The following IPO11 variants were observed in gnomAD, a reference collection of about 807,000 sequenced individuals.
IPO11 encodes importin 11.
Under a neutral mutation model 143.2 loss-of-function variants are expected in IPO11, and 66 were observed. The ratio of observed to expected loss-of-function variants is 0.46; its 90% CI spans 0.38 to 0.57. The LOEUF (loss-of-function observed/expected upper bound fraction) is 0.57. Ranked by LOEUF, IPO11 falls within the 20% of genes least tolerant of loss-of-function variation. The pLI, the probability that IPO11 is intolerant of heterozygous loss-of-function variation, is 0.00. For synonymous variants in IPO11, 385 were observed against 377.8 expected (o/e 1.02, Z -0.22); for missense variants, 1,026 against 1,141.0 (o/e 0.90, Z 1.45).
intron 19 of IPO11, among the ~76,000 whole-genome samples, chr5:62,510,256 A>G (rs1460888143): frequency 6.6e-6 from 1 of 152,210 alleles, no homozygotes; most frequent in Admixed American, 6.5e-5. Context: ...AGAATTTTAT[A>G]TGGACAGTAT....
chr5:62,435,172 G>GTGTA (rs1554047228), intron 1 of IPO11, among the ~76,000 whole-genome samples: 1,217 of 88,142 alleles, frequency 0.014, 109 homozygotes, highest in East Asian at 0.04. Context: ...GTATATATAT[G>GTGTA]TATATATGTA....
chr5:62,608,811 G>A (rs190143142), intron 29 of IPO11, among the ~76,000 whole-genome samples: 1 of 152,276 alleles, frequency 6.6e-6, no homozygotes, highest in Admixed American at 6.5e-5. Context: ...CTCTGGTATT[G>A]TACATTCTAT....
intron 5 of IPO11, among the ~76,000 whole-genome samples, chr5:62,459,332 C>G (rs574931484): frequency 6.6e-6 from 1 of 151,932 alleles, no homozygotes; most frequent in African/African-American, 2.4e-5. Flanking sequence ...TGCTATAGGT[C>G]TTTAGGAATG....
intron 1 of IPO11, among the ~76,000 whole-genome samples, chr5:62,435,456 G>A (rs1246134634): frequency 6.6e-6 from 1 of 151,424 alleles, no homozygotes; most frequent in East Asian, 1.9e-4. Context: ...AAATTAGCTG[G>A]GCCCGGTGGT....
At chr5:62,491,109 A>G (rs1746594413) in intron 15 of IPO11, among the ~76,000 whole-genome samples, 2 of 152,184 alleles carry the variant, frequency 1.3e-5, no homozygotes, top group Non-Finnish European at 2.9e-5. Context: ...CTACTGATTC[A>G]CTTCAGTATA....
chr5:62,414,834 G>C (rs577569089), intron 1 of IPO11, among the ~76,000 whole-genome samples: 206 of 152,226 alleles, frequency 1.4e-3, no homozygotes, highest in African/African-American at 4.7e-3. Flanking sequence ...TGCACAAACC[G>C]GTATAAAAAT....
At chr5:62,498,484 G>GACT (rs1245387542) in intron 16 of IPO11, among the ~76,000 whole-genome samples, 1 of 152,162 alleles carries the variant, frequency 6.6e-6, no homozygotes, top group Non-Finnish European at 1.5e-5. Context: ...CTTTTCCCAG[G>GACT]ACTACAGATG....
intron 16 of IPO11, among the ~76,000 whole-genome samples, chr5:62,494,489 C>G (rs1156901491): frequency 6.6e-6 from 1 of 151,798 alleles, no homozygotes; most frequent in South Asian, 2.1e-4. Flanking sequence ...ATTCTTTGTC[C>G]CTCATTTTGA....
intron 10 of IPO11, among the ~76,000 whole-genome samples, chr5:62,483,765 A>G (rs1349723272): frequency 4.6e-5 from 7 of 152,166 alleles, no homozygotes; most frequent in Non-Finnish European, 1.0e-4. Flanking sequence ...ATTATGAGGA[A>G]GTTATTTCAG....
chr5:62,583,736 G>A lies in IPO11; in HGVS notation c.2583-7841G>A, dbSNP rs181613680. Among the ~76,000 whole-genome samples, 5 of 152,244 alleles carry A rather than the reference G, an allele frequency of 3.3e-5. No individual in the cohort carries two copies. In the East Asian group the frequency reaches 9.6e-4, roughly 29 times the overall value. ...AAAACTTATTTAAGGTATAATTGAAGTGTTACAGGCATAATAATTTTCTTG... is the reference window on the plus strand; with the variant it reads ...AAAACTTATTTAAGGTATAATTGAAATGTTACAGGCATAATAATTTTCTTG... On this transcript the variant is annotated intron_variant, in intron 27 of 29. Coordinates refer to ENST00000325324, the MANE Select transcript of IPO11 (RefSeq NM_016338.5).
At chr5:62,540,363 A>G (rs956789136) in intron 24 of IPO11, among the ~76,000 whole-genome samples, 14 of 152,324 alleles carry the variant, frequency 9.2e-5, no homozygotes, top group East Asian at 7.7e-4. Context: ...AAATTGTAAT[A>G]TATGTATTCT....
In IPO11 at chr5:62,412,845, A is replaced by C. The variant is rs759754704; in HGVS notation, c.-91A>C. ...AGTAGGCGGCGGCGTGGGGTCTGGCAGCGTGGGGAGAGGGACCAACCGACG... is the reference window on the plus strand; with the variant it reads ...AGTAGGCGGCGGCGTGGGGTCTGGCCGCGTGGGGAGAGGGACCAACCGACG... On this transcript the variant is annotated 5_prime_UTR_variant, in exon 1 of 30. Coordinates refer to ENST00000325324, the MANE Select transcript of IPO11 (RefSeq NM_016338.5). 1 of 152,682 alleles carries C rather than the reference A, an allele frequency of 6.5e-6. No homozygotes were observed. The highest frequency in any genetic ancestry group is 1.5e-5 in the Non-Finnish European group (1 of 68,066). The allele number at this position is 152,682 out of a possible 1,614,324, so 9.5% of individuals were successfully genotyped here.
At chr5:62,520,577 A>T (rs1406240479) in intron 20 of IPO11, among the ~76,000 whole-genome samples, 2 of 151,992 alleles carry the variant, frequency 1.3e-5, no homozygotes, top group African/African-American at 4.8e-5. Flanking sequence ...CCTGTGTCCA[A>T]GTGTTCTCAT....
At chr5:62,606,428 C>G (rs1266919318) in intron 29 of IPO11, among the ~76,000 whole-genome samples, 1 of 123,704 alleles carries the variant, frequency 8.1e-6, no homozygotes, top group Non-Finnish European at 1.6e-5. Flanking sequence ...TGCAGTGAGC[C>G]AAAATCATGC....
At chr5:62,607,350 C>T (rs1401193566) in intron 29 of IPO11, among the ~76,000 whole-genome samples, 1 of 151,930 alleles carries the variant, frequency 6.6e-6, no homozygotes, top group African/African-American at 2.4e-5. Flanking sequence ...CAACAGGGCA[C>T]CCTGTGGTAG....
intron 6 of IPO11, 42 bp from the exon 7 acceptor site, chr5:62,470,208 G>A: frequency 1.3e-6 from 2 of 1,556,742 alleles, no homozygotes; most frequent in South Asian, 2.2e-5. Context: ...AATTTTAGTA[G>A]GATAAAATAA....
intron 24 of IPO11, among the ~76,000 whole-genome samples, chr5:62,538,493 G>A (rs932304608): frequency 2.0e-5 from 3 of 152,084 alleles, no homozygotes; most frequent in African/African-American, 4.8e-5. Flanking sequence ...GAGTCCTCAC[G>A]AGATCTGATT....
At chr5:62,543,679 A>G (rs930352302) in intron 24 of IPO11, among the ~76,000 whole-genome samples, 14 of 151,742 alleles carry the variant, frequency 9.2e-5, no homozygotes, top group Non-Finnish European at 1.5e-4. Flanking sequence ...TTGTGTCTCT[A>G]TTTCCTTCAG....
intron 29 of IPO11, among the ~76,000 whole-genome samples, chr5:62,626,842 G>A (rs1446790644): frequency 6.6e-6 from 1 of 152,100 alleles, no homozygotes; most frequent in African/African-American, 2.4e-5. Flanking sequence ...ATGTTCTTCA[G>A]CATGTTCTGT....
Sources: allele counts gnomAD v4.1 joint callset (sites outside exome capture counted in the v4.1 genomes callset), GRCh38; gene constraint gnomAD v4.1.1; transcripts MANE v1.5; gene names NCBI Gene and HGNC (gene_info 2026-07-23, HGNC 2026-07-21).